The following DLC1 variants were observed in gnomAD, a reference collection of about 807,000 sequenced individuals.
DLC1 encodes rho GTPase-activating protein 7.
Under a neutral mutation model 140.3 loss-of-function variants are expected in DLC1, and 54 were observed. The ratio of observed to expected loss-of-function variants is 0.38; its 90% CI spans 0.31 to 0.48. The LOEUF is 0.48. Among genes scored for constraint, DLC1 ranks in the 20% least tolerant of loss-of-function variants. The probability of loss-of-function intolerance (pLI) is 0.96; values close to 1 mark genes in which losing one functional copy is unlikely to be tolerated. For synonymous variants in DLC1, 986 were observed against 728.1 expected (o/e 1.35, Z -5.70); for missense variants, 2,536 against 1,907.0 (o/e 1.33, Z -6.14).
intron 5 of DLC1, among the ~76,000 whole-genome samples, chr8:13,185,560 G>C (rs1038079901): frequency 3.2e-4 from 48 of 151,998 alleles, no homozygotes; most frequent in African/African-American, 1.2e-3. Context: ...GCTCGCCTTG[G>C]CCTCCCAAAG....
intron 5 of DLC1, among the ~76,000 whole-genome samples, chr8:13,118,336 C>A (rs189190603): frequency 5.3e-5 from 8 of 152,308 alleles, no homozygotes; most frequent in Admixed American, 2.6e-4. Context: ...ATTTAATTAA[C>A]AGTTTATACA....
chr8:13,278,872 A>C lies in DLC1; in HGVS notation c.1348+26397T>G, dbSNP rs538896379. 2.6e-5 allele frequency among the ~76,000 whole-genome samples: 4 copies of C among 152,364 alleles called. No individual in the cohort carries two copies. In the East Asian group the frequency reaches 7.7e-4, roughly 29 times the overall value. ...TAGCAAGTCATCAGAGATCATGTATAGGTATTATTATCACTTTTTTAGAGA... is the reference window on the plus strand; with the variant it reads ...TAGCAAGTCATCAGAGATCATGTATCGGTATTATTATCACTTTTTTAGAGA... On this transcript the variant is annotated intron_variant, in intron 5 of 17. Coordinates refer to ENST00000276297, the MANE Select transcript of DLC1 (RefSeq NM_182643.3).
chr8:13,133,243 T>TCCTGGCTGGGAGCGAAGCGC, intron 5 of DLC1: 1 of 1,382,670 alleles, frequency 7.2e-7, no homozygotes, highest in South Asian at 1.6e-5. Flanking sequence ...TGCGGCCATG[T>TCCTGGCTGGGAGCGAAGCGC]CCTGGCTGGG....
intron 2 of DLC1, among the ~76,000 whole-genome samples, chr8:13,446,991 A>G (rs1269844510): frequency 4.6e-5 from 7 of 152,180 alleles, no homozygotes; most frequent in Admixed American, 2.0e-4. Flanking sequence ...AAGGAAGGGA[A>G]GAAGGGTGGA....
chr8:13,154,655 C>T (rs1005143533), intron 5 of DLC1, among the ~76,000 whole-genome samples: 3 of 152,214 alleles, frequency 2.0e-5, no homozygotes, highest in Non-Finnish European at 4.4e-5. Flanking sequence ...CACAGTGCAG[C>T]AGCGGGCTGA....
intron 4 of DLC1, among the ~76,000 whole-genome samples, chr8:13,319,630 C>T (rs1044424848): frequency 6.6e-6 from 1 of 152,082 alleles, no homozygotes; most frequent in African/African-American, 2.4e-5. Context: ...TGCCTTCCGA[C>T]ATGATTGTCA....
rs1236395843 is a variant in DLC1, at chr8:13,579,361, A to ATATATT, written c.-126+25175_-126+25176insAATATA. ...TATATATATATATATATATATATAT[A>ATATATT]TTTTTATATAATACATATTTATATA... On this transcript the variant is annotated intron_variant, in intron 1 of 1. Transcript: ENST00000631382. Among the ~76,000 whole-genome samples, 9 of 25,486 alleles carry ATATATT rather than the reference A, an allele frequency of 3.5e-4. 1 individual carries two copies. The highest frequency in any genetic ancestry group is 1.1e-3 in the South Asian group (1 of 906). The allele number at this position is 25,486 out of a possible 152,430, so 16.7% of individuals were successfully genotyped here.
chr8:13,115,345 T>G (rs1473340657), intron 6 of DLC1, among the ~76,000 whole-genome samples: 1 of 152,172 alleles, frequency 6.6e-6, no homozygotes, highest in Admixed American at 6.5e-5. Flanking sequence ...ATGATAGTCT[T>G]CAGCATGCTG....
At chr8:13,199,227 C>T (rs1413808376) in intron 5 of DLC1, among the ~76,000 whole-genome samples, 18 of 126,588 alleles carry the variant, frequency 1.4e-4, no homozygotes, top group East Asian at 9.4e-4. Flanking sequence ...CTGTGTTGTC[C>T]AAGGTAGAGT....
At chr8:13,216,931 G>A (rs1828229893) in intron 5 of DLC1, among the ~76,000 whole-genome samples, 1 of 152,102 alleles carries the variant, frequency 6.6e-6, no homozygotes, top group African/African-American at 2.4e-5. Flanking sequence ...TGGGACAGGT[G>A]TGCCTCCCCT....
intron 1 of DLC1, among the ~76,000 whole-genome samples, chr8:13,538,758 C>G (rs1803385147): frequency 6.6e-6 from 1 of 152,190 alleles, no homozygotes; most frequent in Non-Finnish European, 1.5e-5. Flanking sequence ...GTGGTAGAAG[C>G]AGATTTCAAG....
intron 5 of DLC1, among the ~76,000 whole-genome samples, chr8:13,136,944 G>A (rs1822607102): frequency 6.6e-6 from 1 of 152,042 alleles, no homozygotes; most frequent in South Asian, 2.1e-4. Context: ...ACCTCATGAG[G>A]GTTTTACGAG....
At chr8:13,492,457 C>G (rs977681209) in intron 2 of DLC1, among the ~76,000 whole-genome samples, 16 of 87,196 alleles carry the variant, frequency 1.8e-4, no homozygotes, top group African/African-American at 5.6e-4. Context: ...TTTTTGGTAT[C>G]CTATTTTAGC....
At chr8:13,210,948 G>T (rs1315613490) in intron 5 of DLC1, among the ~76,000 whole-genome samples, 1 of 152,170 alleles carries the variant, frequency 6.6e-6, no homozygotes, top group Admixed American at 6.6e-5. Flanking sequence ...TAGAGTGTCA[G>T]CTTTCTCATT....
intron 1 of DLC1, among the ~76,000 whole-genome samples, chr8:13,589,607 A>G (rs979801555): frequency 6.6e-6 from 1 of 151,766 alleles, no homozygotes; most frequent in African/African-American, 2.4e-5. Flanking sequence ...ATGTTTTTTC[A>G]TGTTGCTTAG....
chr8:13,604,217 C>A (rs1345850526), intron 1 of DLC1, among the ~76,000 whole-genome samples: 2 of 152,078 alleles, frequency 1.3e-5, no homozygotes, highest in African/African-American at 4.8e-5. Flanking sequence ...TAGCAGAAAT[C>A]ATCTCTCCAA....
At chr8:13,535,059 G>A (rs188155668) in intron 1 of DLC1, among the ~76,000 whole-genome samples, 1 of 152,186 alleles carries the variant, frequency 6.6e-6, no homozygotes, top group Admixed American at 6.5e-5. Context: ...ACCAGACACT[G>A]ACCAACGTTT....
At position 13,499,833 on chromosome 8, in the gene DLC1, T is replaced by C; in HGVS notation, c.239A>G (p.His80Arg). ...ATTTTCGTCCACATCCTTTGAAAGATGACCCATTGGCCTCCCAGGAAAATC... is the reference window on the plus strand; with the variant it reads ...ATTTTCGTCCACATCCTTTGAAAGACGACCCATTGGCCTCCCAGGAAAATC... ...LRDFPGRPMG[H>R]LSKDVDENDS... The change falls in exon 2 of 18, where the codon CAT becomes CGT. Residue 80 changes from histidine (H) to arginine (R), a missense_variant. Transcript: ENST00000276297. The C allele has an allele frequency of 1.2e-6, 2 of 1,614,124 alleles. No homozygotes were observed. Among genetic ancestry groups the C allele is most frequent in the Non-Finnish European group, 1.7e-6 (2 of 1,180,006 alleles).
At chr8:13,586,370 C>G (rs1360682361) in intron 1 of DLC1, among the ~76,000 whole-genome samples, 7 of 151,884 alleles carry the variant, frequency 4.6e-5, no homozygotes, top group Admixed American at 4.6e-4. Context: ...ACTTGATGAC[C>G]GATTGAACAG....
Sources: allele counts gnomAD v4.1 joint callset (sites outside exome capture counted in the v4.1 genomes callset), GRCh38; gene constraint gnomAD v4.1.1; transcripts MANE v1.5; gene names NCBI Gene and HGNC (gene_info 2026-07-23, HGNC 2026-07-21).